The following TRPM3 variants were observed in gnomAD, a reference collection of about 807,000 sequenced individuals.
TRPM3 encodes transient receptor potential cation channel subfamily M member 3.
In TRPM3, 77 loss-of-function variants were observed where a neutral mutation model predicts 181.2. That is an observed-to-expected ratio of 0.42 (90% CI 0.35 to 0.51). The LOEUF is 0.51. Among genes scored for constraint, TRPM3 ranks in the 20% least tolerant of loss-of-function variants. TRPM3 has a pLI of 0.01. For missense variants in TRPM3, 1,759 were observed against 2,196.7 expected, an observed-to-expected ratio of 0.80 and a Z score of 3.98; for synonymous variants, 745 against 796.4, an observed-to-expected ratio of 0.94 and a Z score of 1.09.
intron 1 of TRPM3, among the ~76,000 whole-genome samples, chr9:70,921,331 C>T (rs1361656396): frequency 6.6e-6 from 1 of 152,204 alleles, no homozygotes; most frequent in Non-Finnish European, 1.5e-5. Context: ...CTTTGTGTCT[C>T]GGCTTTGCTG....
chr9:70,769,416 T>C (rs1438023419), intron 7 of TRPM3, among the ~76,000 whole-genome samples: 1 of 152,144 alleles, frequency 6.6e-6, no homozygotes, highest in Non-Finnish European at 1.5e-5. Flanking sequence ...TTTCATCTTT[T>C]ATTTTAGAAT....
chr9:70,634,041 T>A (rs2066411614), intron 12 of TRPM3, among the ~76,000 whole-genome samples: 1 of 152,206 alleles, frequency 6.6e-6, no homozygotes, highest in Non-Finnish European at 1.5e-5. Context: ...ACCACTTGGC[T>A]AAGATTAAAC....
chr9:70,824,131 C>G (rs1269553822), intron 6 of TRPM3, among the ~76,000 whole-genome samples: 1 of 152,032 alleles, frequency 6.6e-6, no homozygotes, highest in Admixed American at 6.6e-5. Flanking sequence ...AAGATTATAC[C>G]ATTTATGTAA....
chr9:70,873,852 G>A (rs2095830445), intron 1 of TRPM3, among the ~76,000 whole-genome samples: 1 of 151,960 alleles, frequency 6.6e-6, no homozygotes, highest in African/African-American at 2.4e-5. Context: ...TAACCAGAGT[G>A]TTGTAATTTC....
intron 1 of TRPM3, among the ~76,000 whole-genome samples, chr9:71,234,589 C>T (rs1163668607): frequency 3.9e-5 from 6 of 152,176 alleles, no homozygotes; most frequent in Non-Finnish European, 7.4e-5. Context: ...GGTCTTCTCT[C>T]GGCGTCTTCA....
intron 1 of TRPM3, among the ~76,000 whole-genome samples, chr9:71,120,509 G>T (rs760679889): frequency 6.6e-6 from 1 of 152,112 alleles, no homozygotes; most frequent in Non-Finnish European, 1.5e-5. Context: ...CAGGTGTAGT[G>T]CCATTCTTTT....
chr9:70,677,753 G>A (rs2064376106), intron 9 of TRPM3, among the ~76,000 whole-genome samples: 1 of 152,098 alleles, frequency 6.6e-6, no homozygotes, highest in Admixed American at 6.5e-5. Flanking sequence ...AAACATATTT[G>A]TTATGCTTTT....
chr9:70,976,102 T>C (rs773272735), intron 1 of TRPM3, among the ~76,000 whole-genome samples: 3 of 152,196 alleles, frequency 2.0e-5, no homozygotes, highest in African/African-American at 4.8e-5. Flanking sequence ...AATGAGTCTC[T>C]TCCCAGTGTG....
At chr9:70,950,033 AT>A (rs1432741847) in intron 1 of TRPM3, among the ~76,000 whole-genome samples, 1 of 152,098 alleles carries the variant, frequency 6.6e-6, no homozygotes, top group Non-Finnish European at 1.5e-5. Flanking sequence ...GACTAATGAT[AT>A]GTTCCTACCT....
At chr9:70,780,667 T>C (rs2082260672) in intron 7 of TRPM3, among the ~76,000 whole-genome samples, 1 of 152,188 alleles carries the variant, frequency 6.6e-6, no homozygotes, top group South Asian at 2.1e-4. Flanking sequence ...TTCTTGAAGT[T>C]ATTCAGGTGG....
intron 7 of TRPM3, chr9:70,776,073 AT>A (rs1018968625): frequency 1.1e-5 from 2 of 184,094 alleles, no homozygotes; most frequent in African/African-American, 4.7e-5. Context: ...CTGTATAGCC[AT>A]TTATTTTCAC....
At chr9:71,446,811 C>T (rs933551526) in exon 1 of TRPM3, 1 of 1,548,864 alleles carries the variant, frequency 6.5e-7, no homozygotes, top group Admixed American at 2.0e-5. Flanking sequence ...TCCATTTCCG[C>T]CGCATCCCTC....
chr9:70,656,928 GT>G (rs201245788), intron 9 of TRPM3, among the ~76,000 whole-genome samples: 12 of 121,728 alleles, frequency 9.9e-5, no homozygotes, highest in African/African-American at 2.4e-4. Flanking sequence ...AAAAAAAAGT[GT>G]TTTTTTTTTG....
At chr9:70,781,208 C>T (rs533822929) in intron 7 of TRPM3, among the ~76,000 whole-genome samples, 1 of 151,436 alleles carries the variant, frequency 6.6e-6, no homozygotes, top group African/African-American at 2.4e-5. Flanking sequence ...GCCTGTAGTC[C>T]CAGCTACTTG....
chr9:70,542,965 CCTT>C (rs1434127261), intron 25 of TRPM3, among the ~76,000 whole-genome samples: 4 of 152,092 alleles, frequency 2.6e-5, no homozygotes, highest in Non-Finnish European at 5.9e-5. Flanking sequence ...GGTTAATTAT[CCTT>C]CTCATTAACT....
At chr9:70,623,232 C>T (rs368772927) in intron 14 of TRPM3, among the ~76,000 whole-genome samples, 7 of 151,798 alleles carry the variant, frequency 4.6e-5, no homozygotes, top group African/African-American at 7.3e-5. Flanking sequence ...TGAGTGTAGT[C>T]GCACATGCCT....
intron 1 of TRPM3, among the ~76,000 whole-genome samples, chr9:71,231,305 T>C (rs1448505036): frequency 6.6e-6 from 1 of 152,008 alleles, no homozygotes; most frequent in Non-Finnish European, 1.5e-5. Flanking sequence ...AGAATCTGAG[T>C]CAAAGACATG....
chr9:71,262,349 G>A (rs577062683), intron 1 of TRPM3, among the ~76,000 whole-genome samples: 28 of 152,264 alleles, frequency 1.8e-4, no homozygotes, highest in Admixed American at 6.5e-4. Flanking sequence ...CCTCAGTAAT[G>A]GCGGACGTCC....
rs556760460 is a variant in TRPM3, at chr9:71,285,014, A to G, written c.183+161639T>C. The stretch of plus-strand genomic sequence containing the variant: ...TACATTTTCCATAATTTCAATTTTA[A>G]TTAAAATCAGCAAACATAGAACAGG... On this transcript the variant is annotated intron_variant, in intron 1 of 24. Transcript: ENST00000357533. 1.4e-4 allele frequency among the ~76,000 whole-genome samples: 22 copies of G among 152,340 alleles called. 1 individual carries two copies. Among genetic ancestry groups the G allele is most frequent in the East Asian group, 3.9e-4 (2 of 5,194 alleles).
Sources: gnomAD v4.1 joint callset for allele counts (sites outside exome capture counted in the v4.1 genomes callset) on GRCh38, gnomAD v4.1.1 for gene constraint, MANE v1.5 for transcripts, NCBI Gene and HGNC (gene_info 2026-07-23, HGNC 2026-07-21) for gene names.